Variants in PKHD1 observed in about 807,000 individuals in gnomAD.
PKHD1 encodes fibrocystin.
A neutral mutation model predicts 412.0 loss-of-function variants in PKHD1; 291 were observed. That is an observed-to-expected ratio of 0.71 (90% CI 0.64 to 0.78). The LOEUF (loss-of-function observed/expected upper bound fraction) is 0.78. Among genes scored for constraint, PKHD1 ranks in the 30% least tolerant of loss-of-function variants. The pLI is 0.00. For synonymous variants in PKHD1, 1,777 were observed against 1,821.5 expected, an observed-to-expected ratio of 0.98 and a Z score of 0.62; for missense variants, 4,825 against 4,950.7, an observed-to-expected ratio of 0.97 and a Z score of 0.76.
rs146817874 is a variant in PKHD1, at chr6:51,894,799, C to G, written c.6997-7554G>C. 4.8e-3 allele frequency among the ~76,000 whole-genome samples: 731 copies of G among 152,304 alleles called. 8 individuals carry two copies. The highest frequency in any genetic ancestry group is 0.016 in the African/African-American group (667 of 41,570). ...CATTTGTTTAATTAATACTATCATA[C>G]CAATGTCAATGTCCTGGCCTTGGTA... On this transcript the variant is annotated intron_variant, in intron 43 of 66. Transcript: ENST00000371117.
intron 47 of PKHD1, among the ~76,000 whole-genome samples, chr6:51,869,718 A>C (rs1775669628): frequency 6.6e-6 from 1 of 152,108 alleles, no homozygotes; most frequent in Non-Finnish European, 1.5e-5. Context: ...TATTTCTATT[A>C]TTATTTCTAC....
rs996329058 is a variant in PKHD1 at position 51,703,207 on chromosome 6, C to T, written c.10156+41178G>A. ...CCCCTTGTGGTCTTAGTAATAAAAA[C>T]GCTGGGCCTTCAGAGTGTCTAATTG... On this transcript the variant is annotated intron_variant, in intron 60 of 66. Transcript: ENST00000371117. Among the ~76,000 whole-genome samples the T allele has an allele frequency of 2.6e-5, 4 of 152,030 alleles. No homozygotes were observed. In the East Asian group the frequency reaches 7.7e-4, roughly 29 times the overall value.
At chr6:51,639,983 T>C (rs562663085) in intron 63 of PKHD1, among the ~76,000 whole-genome samples, 2 of 152,368 alleles carry the variant, frequency 1.3e-5, no homozygotes, top group Admixed American at 1.3e-4. Flanking sequence ...GATCTTTTGC[T>C]TCATCTCTTC....
chr6:51,938,481 T>C lies in PKHD1; in HGVS notation c.5909-4159A>G, dbSNP rs1408517650. Among the ~76,000 whole-genome samples, 2 of 139,662 alleles carry C rather than the reference T, an allele frequency of 1.4e-5. 1 individual carries two copies. The highest frequency in any genetic ancestry group is 3.1e-5 in the Non-Finnish European group (2 of 64,134). The allele number at this position is 139,662 out of a possible 152,430, so 91.6% of individuals were successfully genotyped here. ...ATCCTGGCTCAAAAAGCTCCCCCAC[T>C]GAGCACGCTGTGACCCCCCACTCCT... is the stretch of plus-strand genomic sequence containing the variant. On this transcript the variant is annotated intron_variant, in intron 36 of 66. Transcript: ENST00000371117.
chr6:51,706,548 G>T (rs1011041380), intron 60 of PKHD1, among the ~76,000 whole-genome samples: 3 of 151,374 alleles, frequency 2.0e-5, no homozygotes, highest in African/African-American at 7.3e-5. Context: ...AGGAGCAGCA[G>T]AAGGAGGAGG....
rs1203712524 is a variant in PKHD1, at chr6:52,013,578, TATAAGCATATATATATGCAAC to T, written c.5601-3140_5601-3120del. Among the ~76,000 whole-genome samples the T allele has an allele frequency of 4.6e-5, 7 of 152,198 alleles. No homozygotes were observed. In the East Asian group the frequency reaches 1.2e-3, roughly 25 times the overall value. On this transcript the variant is annotated intron_variant, in intron 34 of 66. Coordinates refer to ENST00000371117, the MANE Select transcript of PKHD1 (RefSeq NM_138694.4). ...ACAGTTGGCCATATTTAAATATAAA[TATAAGCATATATATATGCAAC>T]ATAAGCATATATAGACAGAGAGATC...
intron 46 of PKHD1, among the ~76,000 whole-genome samples, chr6:51,880,961 G>T (rs1420148987): frequency 1.4e-5 from 2 of 144,966 alleles, no homozygotes; most frequent in African/African-American, 5.1e-5. Context: ...GCGAGACTCC[G>T]TCTCAAAAAA....
intron 34 of PKHD1, among the ~76,000 whole-genome samples, chr6:52,016,360 G>A (rs1800527242): frequency 1.3e-5 from 2 of 152,184 alleles, no homozygotes; most frequent in Admixed American, 1.3e-4. Flanking sequence ...AAGAGGCGGG[G>A]CACGGTGGCT....
At chr6:51,749,864 G>A (rs1785800203) in intron 57 of PKHD1, among the ~76,000 whole-genome samples, 1 of 152,068 alleles carries the variant, frequency 6.6e-6, no homozygotes, top group Non-Finnish European at 1.5e-5. Context: ...TTAGTTGTGT[G>A]TCCTTTGCTA....
intron 35 of PKHD1, among the ~76,000 whole-genome samples, chr6:51,962,656 C>A (rs991816330): frequency 6.6e-6 from 1 of 152,038 alleles, no homozygotes; most frequent in African/African-American, 2.4e-5. Context: ...AAACTGGAGT[C>A]ACAAAAAGGA....
intron 53 of PKHD1, among the ~76,000 whole-genome samples, chr6:51,790,183 T>C (rs7741385): frequency 0.59 from 89,178 of 151,980 alleles, 26,921 homozygotes; most frequent in East Asian, 0.83. Flanking sequence ...TGGAATAAGA[T>C]ATGATTTTTT....
At chr6:51,740,666 C>G (rs1784445032) in intron 60 of PKHD1, among the ~76,000 whole-genome samples, 1 of 152,164 alleles carries the variant, frequency 6.6e-6, no homozygotes, top group South Asian at 2.1e-4. Context: ...ATCCAACAGA[C>G]TGTGGACAGT....
At chr6:51,735,004 T>C (rs1028448183) in intron 60 of PKHD1, among the ~76,000 whole-genome samples, 1 of 152,182 alleles carries the variant, frequency 6.6e-6, no homozygotes, top group African/African-American at 2.4e-5. Context: ...ATATTATGTA[T>C]GAAGAAGAGG....
chr6:51,984,186 A>C (rs184782190), intron 35 of PKHD1, among the ~76,000 whole-genome samples: 300 of 152,380 alleles, frequency 2.0e-3, no homozygotes, highest in African/African-American at 6.1e-3. Context: ...TTTATGGGTA[A>C]TGCCATTAAA....
Position 51,972,303 on chromosome 6 carries a change from G to A in PKHD1, c.5752-12277C>T, listed in dbSNP as rs570041091. The stretch of plus-strand genomic sequence containing the variant: ...TTTTTCCTAGTTCTTTAAGCTTCAC[G>A]TTTGAGGTACTTTTTAGAGAGAAAA... On this transcript the variant is annotated intron_variant, in intron 35 of 66. Coordinates refer to ENST00000371117, the MANE Select transcript of PKHD1 (RefSeq NM_138694.4). 8.5e-5 allele frequency among the ~76,000 whole-genome samples: 13 copies of A among 152,202 alleles called. No individual in the cohort carries two copies. The South Asian group carries it at 1.5e-3, about 17-fold the overall frequency.
intron 60 of PKHD1, among the ~76,000 whole-genome samples, chr6:51,671,619 G>A (rs1440859048): frequency 6.6e-6 from 1 of 152,020 alleles, no homozygotes; most frequent in African/African-American, 2.4e-5. Flanking sequence ...AGGAGGAGAG[G>A]CGCTCTGCTT....
intron 29 of PKHD1, among the ~76,000 whole-genome samples, chr6:52,032,665 G>C (rs528572690): frequency 6.6e-6 from 1 of 152,104 alleles, no homozygotes; most frequent in African/African-American, 2.4e-5. Context: ...TTCCTGATCT[G>C]TAAATTGAAG....
rs199651494 is a variant in PKHD1, at chr6:51,842,433, A to G, written c.8107+5342T>C. Among the ~76,000 whole-genome samples the G allele has an allele frequency of 3.5e-4, 54 of 152,356 alleles. 1 individual carries two copies. In the East Asian group the frequency reaches 7.5e-3, roughly 21 times the overall value. ...GAGCCTTTTACCAATATAAAAGGAC[A>G]GGGTCAAAAGTAAGTTGACCCCTGA... On this transcript the variant is annotated intron_variant, in intron 50 of 66. Transcript: ENST00000371117.
At chr6:52,071,096 G>C in intron 8 of PKHD1, 26 bp from the exon 9 acceptor site, 1 of 1,478,464 alleles carries the variant, frequency 6.8e-7, no homozygotes, top group Non-Finnish European at 9.5e-7. Context: ...ACTGAGGTAA[G>C]AATGACCAGA....
Sources: allele counts gnomAD v4.1 joint callset (sites outside exome capture counted in the v4.1 genomes callset), GRCh38; gene constraint gnomAD v4.1.1; transcripts MANE v1.5; gene names NCBI Gene and HGNC (gene_info 2026-07-23, HGNC 2026-07-21).